The following PCDHGA3 variants were observed in gnomAD, a reference collection of about 807,000 sequenced individuals.
PCDHGA3 encodes the protein protocadherin gamma-A3.
In PCDHGA3, 40 loss-of-function variants were observed where a neutral mutation model predicts 58.5. The ratio of observed to expected loss-of-function variants is 0.68; its 90% CI spans 0.53 to 0.89. PCDHGA3 has a LOEUF of 0.89. PCDHGA3 is among the 40% of genes least tolerant of loss of function. The pLI is 0.00. For synonymous variants in PCDHGA3, 530 were observed against 525.7 expected (o/e 1.01, Z -0.11); for missense variants, 1,223 against 1,195.9 (o/e 1.02, Z -0.33).
At position 141,362,803 on chromosome 5, in the gene PCDHGA3, A is replaced by G. The variant is rs148727944; in HGVS notation, c.2424+16346A>G. On this transcript the variant is annotated intron_variant, in intron 1 of 3. Transcript: ENST00000253812. ...ATTTCTTTTTCTTCCTCATCTTTACATTACTTCTCTCTGCAGATTTGTTGC... is the reference window on the plus strand; with the variant it reads ...ATTTCTTTTTCTTCCTCATCTTTACGTTACTTCTCTCTGCAGATTTGTTGC... 1.0e-3 allele frequency among the ~76,000 whole-genome samples: 152 copies of G among 152,282 alleles called. 1 individual carries two copies. The highest frequency in any genetic ancestry group is 3.3e-3 in the African/African-American group (137 of 41,538).
At position 141,431,174 on chromosome 5, in the gene PCDHGA3, G is replaced by C. The variant is rs568632160; in HGVS notation, c.2425-63633G>C. 6.2e-7 allele frequency: 1 copy of C among 1,614,224 alleles called. No individual in the cohort carries two copies. The highest frequency in any genetic ancestry group is 1.1e-5 in the South Asian group (1 of 91,088). ...GCCTTACTTTCGTGAAAGTGAATTA[G>C]AAATAAAAATTAGTGAAAATGCAGC... is the stretch of plus-strand genomic sequence containing the variant. On this transcript the variant is annotated intron_variant, in intron 1 of 3. Coordinates refer to ENST00000253812, the MANE Select transcript of PCDHGA3 (RefSeq NM_018916.4). This position sits in a 1 kb window ranked among gnomAD's most constrained non-coding sequence, Gnocchi z 4.8.
At chr5:141,484,392 T>G (rs1454201773) in intron 1 of PCDHGA3, among the ~76,000 whole-genome samples, 1 of 152,162 alleles carries the variant, frequency 6.6e-6, no homozygotes, top group African/African-American at 2.4e-5. Flanking sequence ...TAAGAAAGGT[T>G]TGGTTTCCGC....
intron 1 of PCDHGA3, among the ~76,000 whole-genome samples, chr5:141,405,659 G>A (rs867774573): frequency 2.0e-5 from 3 of 152,106 alleles, no homozygotes; most frequent in Non-Finnish European, 4.4e-5. Flanking sequence ...TGTGTTTTTA[G>A]TAGAGACGGG....
chr5:141,394,249 C>G (rs1055429829), intron 1 of PCDHGA3: 2 of 1,613,964 alleles, frequency 1.2e-6, no homozygotes, highest in South Asian at 2.2e-5. Context: ...GCACACGACC[C>G]CGACAGCCAG....
At chr5:141,436,074 G>A (rs1048063491) in intron 1 of PCDHGA3, among the ~76,000 whole-genome samples, 3 of 152,058 alleles carry the variant, frequency 2.0e-5, no homozygotes, top group Non-Finnish European at 4.4e-5. Context: ...TAAGTACAGT[G>A]TTCTATAGGT....
rs199877605 is a variant in PCDHGA3 at position 141,421,311 on chromosome 5, G to A, written c.2425-73496G>A. The A allele has an allele frequency of 9.5e-5, 154 of 1,613,788 alleles. No individual in the cohort carries two copies. The African/African-American group carries it at 1.9e-3, about 20-fold the overall frequency. On this transcript the variant is annotated intron_variant, in intron 1 of 3. Coordinates refer to ENST00000253812, the MANE Select transcript of PCDHGA3 (RefSeq NM_018916.4). ...TCCTGGGGACGCTGCGGGGGTTCCG[G>A]GCCAGGCAGATCCGATATTCGGTGC... is the stretch of plus-strand genomic sequence containing the variant.
Position 141,344,964 on chromosome 5 carries a change from G to A in PCDHGA3, c.931G>A (p.Asp311Asn), listed in dbSNP as rs1757497477. ...AATATTAAAAAGTCTAGATTATGAG[G>A]ATGCCATGTTCTATGAAATTAAAAT... ...VSILKSLDYE[D>N]AMFYEIKIEA... Residue 311 changes from aspartate (D) to asparagine (N), a missense_variant, in exon 1 of 4, where the codon GAT becomes AAT. Coordinates refer to ENST00000253812, the MANE Select transcript of PCDHGA3 (RefSeq NM_018916.4). 6.2e-7 allele frequency: 1 copy of A among 1,613,718 alleles called. No homozygotes were observed. Among genetic ancestry groups the A allele is most frequent in the Non-Finnish European group, 8.5e-7 (1 of 1,179,726 alleles).
At chr5:141,393,721 T>C (rs769235037) in intron 1 of PCDHGA3, 26 of 1,613,752 alleles carry the variant, frequency 1.6e-5, no homozygotes, top group African/African-American at 8.0e-5. Context: ...GAAATATCAA[T>C]AGCAAAAAGT....
At chr5:141,385,662 A>G (rs2090316045) in intron 1 of PCDHGA3, 11 of 492,642 alleles carry the variant, frequency 2.2e-5, no homozygotes, top group Non-Finnish European at 2.8e-5. Context: ...GTTAGCAGGA[A>G]TAAAACACAC....
At position 141,431,763 on chromosome 5, in the gene PCDHGA3, T is replaced by C; in HGVS notation, c.2425-63044T>C. On this transcript the variant is annotated intron_variant, in intron 1 of 3. Transcript: ENST00000253812. The surrounding 1 kb of genome is among the most constrained non-coding windows in gnomAD (Gnocchi z 4.8). ...TATTCTGCGCGAGCCAAAGTCCTGA[T>C]CACTGTTCTGGACGTGAACGACAAT... 1 of 1,614,230 alleles carries C rather than the reference T, an allele frequency of 6.2e-7. No individual in the cohort carries two copies. Among genetic ancestry groups the C allele is most frequent in the Non-Finnish European group, 8.5e-7 (1 of 1,180,030 alleles).
intron 1 of PCDHGA3, among the ~76,000 whole-genome samples, chr5:141,397,195 GAT>G (rs2093485710): frequency 1.3e-5 from 2 of 152,150 alleles, no homozygotes; most frequent in Admixed American, 1.3e-4. Context: ...TACTGTAAAA[GAT>G]ATGACATAAG....
intron 1 of PCDHGA3, among the ~76,000 whole-genome samples, chr5:141,381,599 T>C (rs1273652437): frequency 9.9e-5 from 15 of 152,240 alleles, no homozygotes; most frequent in Admixed American, 9.8e-4. Flanking sequence ...CAGTTTCTTA[T>C]GAATTCACAG....
intron 1 of PCDHGA3, chr5:141,415,477 C>A (rs2095874299): frequency 1.9e-6 from 3 of 1,614,184 alleles, no homozygotes; most frequent in Non-Finnish European, 2.5e-6. Flanking sequence ...CGCGGACTCG[C>A]GAAAGAGTCA....
Position 141,345,220 on chromosome 5 carries a change from AATCAATAG to A in PCDHGA3, c.1195_1202del (p.Asp399LeufsTer18). The stretch of plus-strand genomic sequence containing the variant: ...GGAAATCTGCCATTTAAGTTAGAAA[AATCAATAG>A]ATCAATATTACCGCTTAGTGACGGC... On this transcript the variant is annotated frameshift_variant, in exon 1 of 4. Transcript: ENST00000253812. LOFTEE classifies it high-confidence loss of function. 1 of 1,613,928 alleles carries A rather than the reference AATCAATAG, an allele frequency of 6.2e-7. No homozygotes were observed. Among genetic ancestry groups the A allele is most frequent in the African/African-American group, 1.3e-5 (1 of 74,996 alleles).
rs1428628914 is a variant in PCDHGA3, at chr5:141,487,223, G to A, written c.2425-7584G>A. 1.2e-6 allele frequency: 2 copies of A among 1,614,076 alleles called. No homozygotes were observed. The highest frequency in any genetic ancestry group is 2.2e-5 in the East Asian group (1 of 44,866). The stretch of plus-strand genomic sequence containing the variant: ...TCTTCGAGAATCTTCAGCTCCAAGG[G>A]AAGGAGAATCTCGTCTAACCCTCTA... On this transcript the variant is annotated intron_variant, in intron 1 of 3. Transcript: ENST00000253812. This position sits in a 1 kb window ranked among gnomAD's most constrained non-coding sequence, Gnocchi z 5.0.
At chr5:141,352,258 G>A (rs939972286) in intron 1 of PCDHGA3, 11 of 1,613,980 alleles carry the variant, frequency 6.8e-6, no homozygotes, top group Admixed American at 1.7e-5. Context: ...GCCTGCAAGA[G>A]GTATTGCCAG....
chr5:141,362,401 G>A, intron 1 of PCDHGA3: 2 of 1,614,028 alleles, frequency 1.2e-6, no homozygotes, highest in Middle Eastern at 1.6e-4. Flanking sequence ...CAACCTGTGT[G>A]TTGCCTCACA....
intron 1 of PCDHGA3, chr5:141,407,909 G>T: frequency 4.7e-6 from 2 of 425,700 alleles, no homozygotes; most frequent in Non-Finnish European, 8.3e-6. Context: ...TGAAAAACCG[G>T]GCTGCTGTCC....
rs768985461 is a variant in PCDHGA3, at chr5:141,403,714, C to T, written c.2424+57257C>T. ...TTTACCGAGTTAAAGTCCTTGAGAA[C>T]GTGCCCCCAGGCACCTGGCTGCTTA... On this transcript the variant is annotated intron_variant, in intron 1 of 3. Transcript: ENST00000253812. 10 of 1,613,792 alleles carry T rather than the reference C, an allele frequency of 6.2e-6. No homozygotes were observed. In the South Asian group the frequency reaches 6.6e-5, roughly 11 times the overall value.
Sources: allele counts gnomAD v4.1 joint callset (sites outside exome capture counted in the v4.1 genomes callset), GRCh38; gene constraint gnomAD v4.1.1; non-coding constraint Gnocchi (gnomAD v3.1); transcripts MANE v1.5; gene names NCBI Gene and HGNC (gene_info 2026-07-23, HGNC 2026-07-21).